Variants in CHLSN observed in about 807,000 individuals in gnomAD.
CHLSN encodes the protein cholesin, also known as protein cholesin.
the CHLSN span, among the ~76,000 whole-genome samples, chr7:990,663 G>A: frequency 9.9e-5 from 15 of 152,102 alleles, no homozygotes; most frequent in African/African-American, 1.9e-4. Flanking sequence ...AGAAGGGGAC[G>A]GAGGGATGGA....
At chr7:1,055,928 C>T in the CHLSN span, among the ~76,000 whole-genome samples, 20 of 152,220 alleles carry the variant, frequency 1.3e-4, no homozygotes, top group Admixed American at 1.2e-3. Flanking sequence ...CGTCCCCAAA[C>T]TGGGCTGCCA....
chr7:1,057,473 C>G, the CHLSN span: 2 of 721,366 alleles, frequency 2.8e-6, no homozygotes, highest in African/African-American at 3.4e-5. Context: ...AGCTGACCAC[C>G]TGTTCCTTCT....
the CHLSN span, among the ~76,000 whole-genome samples, chr7:1,002,083 C>G: frequency 6.1e-4 from 59 of 96,614 alleles, no homozygotes; most frequent in Middle Eastern, 9.6e-3. Context: ...GGGGAGTCCT[C>G]TGGGTGAGTG....
the CHLSN span, among the ~76,000 whole-genome samples, chr7:1,109,858 C>T: frequency 1.3e-5 from 2 of 151,370 alleles, no homozygotes; most frequent in East Asian, 2.0e-4. Flanking sequence ...GCAAAGACAT[C>T]TCTCTGTCTA....
At chr7:1,103,786 G>A in the CHLSN span, among the ~76,000 whole-genome samples, 7 of 152,344 alleles carry the variant, frequency 4.6e-5, no homozygotes, top group East Asian at 1.9e-4. Flanking sequence ...ACGGGTCTGC[G>A]GTTGTCCCCA....
the CHLSN span, among the ~76,000 whole-genome samples, chr7:1,123,633 G>C: frequency 6.6e-6 from 1 of 151,656 alleles, no homozygotes; most frequent in African/African-American, 2.4e-5. The surrounding 1 kb of genome is among the most constrained non-coding windows in gnomAD (Gnocchi z 4.4). Flanking sequence ...ATGAGAACCA[G>C]GGAGAGTCAG....
the CHLSN span, among the ~76,000 whole-genome samples, chr7:1,040,182 T>TAAAAAAA: frequency 1.5e-3 from 141 of 96,080 alleles, no homozygotes; most frequent in African/African-American, 5.1e-3. Flanking sequence ...AAAAATAAAT[T>TAAAAAAA]TAAAAAAAAA....
the CHLSN span, chr7:1,092,746 G>C: frequency 6.2e-7 from 1 of 1,613,544 alleles, no homozygotes; most frequent in Non-Finnish European, 8.5e-7. Flanking sequence ...GCTGTACATT[G>C]AGCAGAAAAC....
At chr7:1,002,197 A>G in the CHLSN span, among the ~76,000 whole-genome samples, 4 of 61,600 alleles carry the variant, frequency 6.5e-5, no homozygotes, top group African/African-American at 7.3e-5. Context: ...GTGGGTGGGG[A>G]GTCCTGTGGG....
chr7:1,085,743 G>A, the CHLSN span, among the ~76,000 whole-genome samples: 1 of 151,832 alleles, frequency 6.6e-6, no homozygotes, highest in Non-Finnish European at 1.5e-5. Context: ...CGGGGTGGGA[G>A]GATGGCTTGA....
chr7:1,102,336 G>A, the CHLSN span, among the ~76,000 whole-genome samples: 60 of 152,300 alleles, frequency 3.9e-4, no homozygotes, highest in Middle Eastern at 3.4e-3. Flanking sequence ...CTAAAGCTGC[G>A]GGCAGCTCTT....
chr7:1,070,219 C>T, the CHLSN span, among the ~76,000 whole-genome samples: 7 of 138,844 alleles, frequency 5.0e-5, no homozygotes, highest in African/African-American at 1.9e-4. Flanking sequence ...AAGTGAGGAG[C>T]GTCTCCGCCC....
At chr7:1,092,653 G>A in the CHLSN span, 1 of 1,613,022 alleles carries the variant, frequency 6.2e-7, no homozygotes, top group South Asian at 1.1e-5. Flanking sequence ...GGGCCACATT[G>A]TCAACCTCGC....
chr7:997,794 T>G, the CHLSN span: 1 of 1,604,348 alleles, frequency 6.2e-7, no homozygotes, highest in Non-Finnish European at 8.5e-7. Flanking sequence ...GGAGAAGTGC[T>G]CATCGGGAAC....
chr7:1,100,906 G>T, the CHLSN span, among the ~76,000 whole-genome samples: 1 of 152,256 alleles, frequency 6.6e-6, no homozygotes, highest in African/African-American at 2.4e-5. Context: ...GCAGAGATGG[G>T]AGAGGCCACA....
chr7:1,069,487 G>A, the CHLSN span, among the ~76,000 whole-genome samples: 1 of 146,026 alleles, frequency 6.8e-6, no homozygotes, highest in African/African-American at 2.5e-5. Context: ...AGCCTGCCGA[G>A]TGCCTGCGAT....
chr7:1,064,567 A>T, the CHLSN span, among the ~76,000 whole-genome samples: 4 of 152,268 alleles, frequency 2.6e-5, no homozygotes, highest in Admixed American at 2.6e-4. Context: ...TCCCGAGCTG[A>T]CCTCACACAG....
At chr7:1,010,733 C>T in the CHLSN span, among the ~76,000 whole-genome samples, 5 of 152,114 alleles carry the variant, frequency 3.3e-5, no homozygotes, top group African/African-American at 9.7e-5. Flanking sequence ...AGCACAGGCC[C>T]TCCGTCTTGC....
chr7:995,942 G>A, the CHLSN span, among the ~76,000 whole-genome samples: 4 of 152,368 alleles, frequency 2.6e-5, no homozygotes, highest in East Asian at 7.7e-4. Context: ...CTTGGTGGGT[G>A]CAGAGAGGAC....
Sources: allele counts gnomAD v4.1 joint callset (sites outside exome capture counted in the v4.1 genomes callset), GRCh38; gene constraint gnomAD v4.1.1; non-coding constraint Gnocchi (gnomAD v3.1); transcripts MANE v1.5; gene names NCBI Gene and HGNC (gene_info 2026-07-23, HGNC 2026-07-21).